OR2A5: variants seen among roughly 807,000 people sequenced by gnomAD.
OR2A5 encodes the protein olfactory receptor 2A5.
OR2A5 carries 2 observed loss-of-function variants against 1.9 expected under a neutral mutation model. The ratio of observed to expected loss-of-function variants is 1.04; its 90% CI spans 0.43 to 3.28. OR2A5 has a LOEUF of 3.28. Among genes scored for constraint, OR2A5 ranks in the 30% most tolerant of loss-of-function variants. The pLI is 0.08. For missense variants in OR2A5, 391 were observed against 375.9 expected (o/e 1.04, Z -0.33); for synonymous variants, 160 against 154.5 (o/e 1.04, Z -0.26).
rs903597804 is a variant in OR2A5 at position 144,052,321 on chromosome 7, G to A, written c.*984G>A. ...CAAGTGGTCAGAATGACATGGACAG[G>A]TAATTTGTTTTATTTTAACACAAGT... On this transcript the variant is annotated 3_prime_UTR_variant, in exon 2 of 2. Coordinates refer to ENST00000641693, the MANE Select transcript of OR2A5 (RefSeq NM_012365.2). 4.6e-5 allele frequency: 7 copies of A among 152,116 alleles called. No individual in the cohort carries two copies. Among genetic ancestry groups the A allele is most frequent in the African/African-American group, 1.7e-4 (7 of 41,436 alleles). 9.4% of individuals were successfully genotyped at this position (152,116 alleles called of 1,614,324 possible).
Position 144,056,781 on chromosome 7 carries a change from C to A in OR2A5, c.*5444C>A, listed in dbSNP as rs901261580. 1.3e-5 allele frequency: 2 copies of A among 150,932 alleles called. No homozygotes were observed. The highest frequency in any genetic ancestry group is 2.9e-5 in the Non-Finnish European group (2 of 67,832). 9.3% of individuals were successfully genotyped at this position (150,932 alleles called of 1,614,324 possible). A position where few individuals can be genotyped will look rare whatever the true frequency, so the allele number is the denominator to read the frequency against. ...ACAATTACAGAGCTTAGAAATAAAA[C>A]ACGCATTCCCTGAAATAAGGACTAA... is the stretch of plus-strand genomic sequence containing the variant. On this transcript the variant is annotated 3_prime_UTR_variant, in exon 2 of 2. Transcript: ENST00000641693.
Position 144,055,330 on chromosome 7 carries a change from A to G in OR2A5, c.*3993A>G, listed in dbSNP as rs1324699999. 1 of 152,234 alleles carries G rather than the reference A, an allele frequency of 6.6e-6. No individual in the cohort carries two copies. Among genetic ancestry groups the G allele is most frequent in the Non-Finnish European group, 1.5e-5 (1 of 68,038 alleles). The allele number at this position is 152,234 out of a possible 1,614,324, so 9.4% of individuals were successfully genotyped here. ...TATTGTGCAGCCTTACTATAAATAG[A>G]AACATAAAGGTTGAGTAAAATATAA... On this transcript the variant is annotated 3_prime_UTR_variant, in exon 2 of 2. Transcript: ENST00000641693.
At position 144,056,301 on chromosome 7, in the gene OR2A5, C is replaced by G. The variant is rs1172190501; in HGVS notation, c.*4964C>G. On this transcript the variant is annotated 3_prime_UTR_variant, in exon 2 of 2. Coordinates refer to ENST00000641693, the MANE Select transcript of OR2A5 (RefSeq NM_012365.2). ...AGCTGAAGACTTGTGAGAACCCAGGCCCTGCGCTGCAACCAAATGTGGAAT... is the reference window on the plus strand; with the variant it reads ...AGCTGAAGACTTGTGAGAACCCAGGGCCTGCGCTGCAACCAAATGTGGAAT... 6.6e-6 allele frequency: 1 copy of G among 152,334 alleles called. No individual in the cohort carries two copies. The highest frequency in any genetic ancestry group is 2.4e-5 in the African/African-American group (1 of 41,428). The allele number at this position is 152,334 out of a possible 1,614,324, so 9.4% of individuals were successfully genotyped here.
Position 144,051,048 on chromosome 7 carries a change from TCTC to T in OR2A5, c.650_652del (p.Ser217del). ...GTGGGGCCGCTCTGCCTGGTGCTGG[TCTC>T]CTACTCGCGCATCCTGGCGGCCATC... On this transcript the variant is annotated inframe_deletion, in exon 2 of 2. Coordinates refer to ENST00000641693, the MANE Select transcript of OR2A5 (RefSeq NM_012365.2). 1 of 1,614,204 alleles carries T rather than the reference TCTC, an allele frequency of 6.2e-7. No homozygotes were observed. Among genetic ancestry groups the T allele is most frequent in the Non-Finnish European group, 8.5e-7 (1 of 1,180,040 alleles).
In OR2A5 at chr7:144,050,912, C is replaced by A. The variant is rs571832642; in HGVS notation, c.511C>A (p.Pro171Thr). ...VLILRLPFCG[P>T]HEINHFFCEI... is the part of the protein sequence containing the mutation. ...CATCCTGAGGCTGCCCTTCTGTGGG[C>A]CCCATGAAATCAACCACTTCTTCTG... The change falls in exon 2 of 2, where the codon CCC becomes ACC. Residue 171 changes from proline to threonine, a missense_variant. Coordinates refer to ENST00000641693, the MANE Select transcript of OR2A5 (RefSeq NM_012365.2). The A allele has an allele frequency of 4.4e-5, 71 of 1,614,218 alleles. No individual in the cohort carries two copies. The highest frequency in any genetic ancestry group is 3.3e-4 in the Middle Eastern group (2 of 6,062).
Position 144,054,004 on chromosome 7 carries a change from G to A in OR2A5, c.*2667G>A, listed in dbSNP as rs1467453561. The A allele has an allele frequency of 6.6e-6, 1 of 152,170 alleles. No homozygotes were observed. The highest frequency in any genetic ancestry group is 2.4e-5 in the African/African-American group (1 of 41,420). The allele number at this position is 152,170 out of a possible 1,614,324, so 9.4% of individuals were successfully genotyped here. A position where few individuals can be genotyped will look rare whatever the true frequency, so the allele number is the denominator to read the frequency against. On this transcript the variant is annotated 3_prime_UTR_variant, in exon 2 of 2. Coordinates refer to ENST00000641693, the MANE Select transcript of OR2A5 (RefSeq NM_012365.2). ...ATTCTGGTCTTCTTTCTATCATTAGGTGTACCCACCTGTGTTCTTTACCTT... is the reference window on the plus strand; with the variant it reads ...ATTCTGGTCTTCTTTCTATCATTAGATGTACCCACCTGTGTTCTTTACCTT...
In OR2A5 at chr7:144,055,127, C is replaced by G. The variant is rs2050929817; in HGVS notation, c.*3790C>G. 6.6e-6 allele frequency: 1 copy of G among 152,102 alleles called. No individual in the cohort carries two copies. Among genetic ancestry groups the G allele is most frequent in the Non-Finnish European group, 1.5e-5 (1 of 68,030 alleles). The allele number at this position is 152,102 out of a possible 1,614,324, so 9.4% of individuals were successfully genotyped here. On this transcript the variant is annotated 3_prime_UTR_variant, in exon 2 of 2. Transcript: ENST00000641693. Reference sequence around the variant, plus strand: ...GGAATAAAGCAAACAGGATAATTGTCTTCATATGTCCCATCGAGAATCTTG... The same window carrying G: ...GGAATAAAGCAAACAGGATAATTGTGTTCATATGTCCCATCGAGAATCTTG...
Position 144,056,816 on chromosome 7 carries a change from T to TG in OR2A5, c.*5479_*5480insG, listed in dbSNP as rs1554410654. The TG allele has an allele frequency of 1.4e-5, 2 of 143,842 alleles. No homozygotes were observed. The highest frequency in any genetic ancestry group is 3.0e-5 in the Non-Finnish European group (2 of 66,102). 8.9% of individuals were successfully genotyped at this position (143,842 alleles called of 1,614,324 possible). Reference sequence around the variant, plus strand: ...CTGAAATAAGGACTAACTCTTGTTTTTTTTTTTTTTTTTTTTGAGACGGAG... The same window carrying TG: ...CTGAAATAAGGACTAACTCTTGTTTTGTTTTTTTTTTTTTTTTGAGACGGAG... On this transcript the variant is annotated 3_prime_UTR_variant, in exon 2 of 2. Transcript: ENST00000641693.
In OR2A5 at chr7:144,051,082, G is replaced by A. The variant is rs201190301; in HGVS notation, c.681G>A (p.Arg227=). 9 of 1,614,188 alleles carry A rather than the reference G, an allele frequency of 5.6e-6. No homozygotes were observed. The African/African-American group carries it at 9.3e-5, about 17-fold the overall frequency. The part of the protein sequence containing the change: ...SYSRILAAIL[R]IQSGEGRRKA... ...CGCGCATCCTGGCGGCCATCTTGAG[G>A]ATCCAGTCTGGGGAGGGCCGCAGAA... Residue 227 remains arginine (R), a synonymous_variant, in exon 2 of 2, where the codon AGG becomes AGA. Coordinates refer to ENST00000641693, the MANE Select transcript of OR2A5 (RefSeq NM_012365.2).
chr7:144,051,249 C>A lies in OR2A5; in HGVS notation c.848C>A (p.Pro283Gln), dbSNP rs777744100. 6.2e-7 allele frequency: 1 copy of A among 1,613,904 alleles called. No individual in the cohort carries two copies. Among genetic ancestry groups the A allele is most frequent in the South Asian group, 1.1e-5 (1 of 91,040 alleles). The stretch of plus-strand genomic sequence containing the variant: ...TCCCTGTTTTACAGCCTTTTCAACC[C>A]GATGCTGAACCCCTTGATCTATAGC... ...VLSLFYSLFN[P>Q]MLNPLIYSLR... The change falls in exon 2 of 2, where the codon CCG (proline) becomes CAG (glutamine). Residue 283 changes from proline (P) to glutamine (Q), a missense_variant. By Grantham distance (76) the Pro-to-Gln change is moderately conservative (BLOSUM62 -1). Coordinates refer to ENST00000641693, the MANE Select transcript of OR2A5 (RefSeq NM_012365.2).
In OR2A5 at chr7:144,051,238, C is replaced by A; in HGVS notation, c.837C>A (p.Ser279Arg). Reference protein sequence around the residue: ...EQQKVLSLFYSLFNPMLNPLI... With the variant: ...EQQKVLSLFYRLFNPMLNPLI... ...AGAAGGTCCTTTCCCTGTTTTACAG[C>A]CTTTTCAACCCGATGCTGAACCCCT... is the stretch of plus-strand genomic sequence containing the variant. The change falls in exon 2 of 2, where the codon AGC becomes AGA. Residue 279 changes from serine (S) to arginine (R), a missense_variant. Coordinates refer to ENST00000641693, the MANE Select transcript of OR2A5 (RefSeq NM_012365.2). 6.2e-7 allele frequency: 1 copy of A among 1,613,962 alleles called. No homozygotes were observed. Among genetic ancestry groups the A allele is most frequent in the Non-Finnish European group, 8.5e-7 (1 of 1,179,870 alleles).
chr7:144,051,477 G>T lies in OR2A5; in HGVS notation c.*140G>T. On this transcript the variant is annotated 3_prime_UTR_variant, in exon 2 of 2. Transcript: ENST00000641693. ...TATTGATTGGATTCTATCCCTAAACGTGGAGTACCATGCAGATCACAAAGC... is the reference window on the plus strand; with the variant it reads ...TATTGATTGGATTCTATCCCTAAACTTGGAGTACCATGCAGATCACAAAGC... 1.4e-6 allele frequency: 1 copy of T among 713,660 alleles called. No individual in the cohort carries two copies. Among genetic ancestry groups the T allele is most frequent in the Non-Finnish European group, 2.3e-6 (1 of 438,900 alleles). 44.2% of individuals were successfully genotyped at this position (713,660 alleles called of 1,614,324 possible). A position where few individuals can be genotyped will look rare whatever the true frequency, so the allele number is the denominator to read the frequency against.
Position 144,052,762 on chromosome 7 carries a change from A to T in OR2A5, c.*1425A>T, listed in dbSNP as rs2050915175. ...GACATTTTTTGGCCTGCAGAAATTC[A>T]CAAACCTTGCTCTGCCCCTCCCAAA... On this transcript the variant is annotated 3_prime_UTR_variant, in exon 2 of 2. Coordinates refer to ENST00000641693, the MANE Select transcript of OR2A5 (RefSeq NM_012365.2). 1 of 152,112 alleles carries T rather than the reference A, an allele frequency of 6.6e-6. No homozygotes were observed. Among genetic ancestry groups the T allele is most frequent in the East Asian group, 1.9e-4 (1 of 5,194 alleles). The allele number at this position is 152,112 out of a possible 1,614,324, so 9.4% of individuals were successfully genotyped here. A position where few individuals can be genotyped will look rare whatever the true frequency, so the allele number is the denominator to read the frequency against.
chr7:144,049,536 C>A (rs1043196621), intron 1 of OR2A5, among the ~76,000 whole-genome samples: 3 of 152,212 alleles, frequency 2.0e-5, no homozygotes, highest in African/African-American at 7.2e-5. Context: ...ATTCATCCAA[C>A]AAGTGTAGTG....
At chr7:144,050,210 T>C in intron 1 of OR2A5, 141 bp from the exon 2 acceptor site, 1 of 480,986 alleles carries the variant, frequency 2.1e-6, no homozygotes, top group Non-Finnish European at 3.6e-6. Flanking sequence ...CTGAACCAAA[T>C]TTATTTTCTG....
rs1178600456 is a variant in OR2A5, at chr7:144,050,545, C to G, written c.144C>G (p.Ile48Met). Residue 48 changes from isoleucine to methionine, a missense_variant, in exon 2 of 2, where the codon ATC becomes ATG. Physicochemically the swap from Ile to Met is conservative, Grantham distance 10. Coordinates refer to ENST00000641693, the MANE Select transcript of OR2A5 (RefSeq NM_012365.2). ...GAAATGGGGCCATCCTGGGGCTCAT[C>G]TGGCTGGACTCCAGACTGCACACCC... is the stretch of plus-strand genomic sequence containing the variant. ...LLGNGAILGLIWLDSRLHTPM... is the reference protein window; with the variant it reads ...LLGNGAILGLMWLDSRLHTPM... The G allele has an allele frequency of 3.1e-6, 5 of 1,609,712 alleles. No homozygotes were observed. In the East Asian group the frequency reaches 8.9e-5, roughly 29 times the overall value.
chr7:144,050,782 C>T lies in OR2A5; in HGVS notation c.381C>T (p.Cys127=). Residue 127 remains cysteine (C), a synonymous_variant, in exon 2 of 2, where the codon TGC becomes TGT. Transcript: ENST00000641693. The stretch of plus-strand genomic sequence containing the variant: ...CCTACGATCGGTACATGGCTATCTG[C>T]CACCCTCTGCAATATTCTGTCATCA... The part of the protein sequence containing the change: ...MMSYDRYMAI[C]HPLQYSVIMR... The T allele has an allele frequency of 6.2e-7, 1 of 1,614,172 alleles. No homozygotes were observed. Among genetic ancestry groups the T allele is most frequent in the East Asian group, 2.2e-5 (1 of 44,880 alleles).
At position 144,050,381 on chromosome 7, in the gene OR2A5, C is replaced by T. The variant is rs764895185; in HGVS notation, c.-21C>T. The T allele has an allele frequency of 2.1e-5, 31 of 1,476,548 alleles. No homozygotes were observed. The highest frequency in any genetic ancestry group is 5.7e-5 in the African/African-American group (4 of 69,622). 91.5% of individuals were successfully genotyped at this position (1,476,548 alleles called of 1,614,324 possible). A position where few individuals can be genotyped will look rare whatever the true frequency, so the allele number is the denominator to read the frequency against. On this transcript the variant is annotated 5_prime_UTR_variant, in exon 2 of 2. It adds an upstream start codon to the 5' untranslated region. Coordinates refer to ENST00000641693, the MANE Select transcript of OR2A5 (RefSeq NM_012365.2). ...AGCTCATTGCCACAGCAGAGTCCAA[C>T]GCAGGTACTGTCACAAGGGCATGAC...
chr7:144,049,279 C>A (rs2050884091), intron 1 of OR2A5, 146 bp downstream of exon 1: 1 of 152,214 alleles, frequency 6.6e-6, no homozygotes, highest in Admixed American at 6.5e-5. Context: ...GTGGAGTTAG[C>A]ATTTGCAGAG....
Sources: gnomAD v4.1 joint callset for allele counts (sites outside exome capture counted in the v4.1 genomes callset) on GRCh38, gnomAD v4.1.1 for gene constraint, MANE v1.5 for transcripts, NCBI Gene and HGNC (gene_info 2026-07-23, HGNC 2026-07-21) for gene names.